FER: variants seen among roughly 807,000 people sequenced by gnomAD.
FER encodes tyrosine-protein kinase Fer.
FER carries 63 observed loss-of-function variants against 111.0 expected under a neutral mutation model. The observed-to-expected ratio is 0.57, with a 90% confidence interval of 0.46 to 0.70. The LOEUF (loss-of-function observed/expected upper bound fraction) is 0.70. Among genes scored for constraint, FER ranks in the 30% least tolerant of loss-of-function variants. The pLI is 0.00. For synonymous variants in FER, 327 were observed against 313.9 expected, an observed-to-expected ratio of 1.04 and a Z score of -0.44; for missense variants, 914 against 954.0, an observed-to-expected ratio of 0.96 and a Z score of 0.55.
intron 16 of FER, among the ~76,000 whole-genome samples, chr5:109,094,419 C>T (rs953755854): frequency 3.9e-5 from 6 of 152,064 alleles, no homozygotes; most frequent in African/African-American, 1.2e-4. Context: ...AGGAAATGCC[C>T]ACTGGAACAT....
chr5:109,018,110 T>C (rs149578210), intron 13 of FER, among the ~76,000 whole-genome samples: 324 of 151,944 alleles, frequency 2.1e-3, no homozygotes, highest in Middle Eastern at 0.014. Context: ...ATACTTTGGA[T>C]TTTTTACTTC....
intron 13 of FER, among the ~76,000 whole-genome samples, chr5:109,007,270 C>T (rs1002170293): frequency 6.6e-6 from 1 of 152,086 alleles, no homozygotes; most frequent in Non-Finnish European, 1.5e-5. Context: ...TTACAGTGTC[C>T]TTTCATTTTG....
intron 16 of FER, among the ~76,000 whole-genome samples, chr5:109,056,590 G>C (rs1291065327): frequency 6.6e-6 from 1 of 152,124 alleles, no homozygotes; most frequent in East Asian, 1.9e-4. Flanking sequence ...GGAAGATGTA[G>C]GTCAGAGGAT....
chr5:109,110,907 G>GCTA (rs1301674428), intron 17 of FER, among the ~76,000 whole-genome samples: 3 of 152,104 alleles, frequency 2.0e-5, no homozygotes, highest in African/African-American at 7.2e-5. Flanking sequence ...TGACTGCTGT[G>GCTA]CTACTGGTGA....
chr5:109,052,527 T>G, intron 16 of FER: 1 of 726,760 alleles, frequency 1.4e-6, no homozygotes, highest in Non-Finnish European at 2.4e-6. Context: ...CCTTGGAGGA[T>G]GAAGTAAAAT....
intron 13 of FER, among the ~76,000 whole-genome samples, chr5:109,035,813 C>T (rs1400046908): frequency 6.6e-6 from 1 of 152,214 alleles, no homozygotes; most frequent in African/African-American, 2.4e-5. Context: ...CCCTCACAAT[C>T]TCTTGATTTG....
chr5:109,036,113 T>A (rs1425303501), intron 13 of FER, among the ~76,000 whole-genome samples: 1 of 152,170 alleles, frequency 6.6e-6, no homozygotes, highest in African/African-American at 2.4e-5. Flanking sequence ...TGTCTTTTCA[T>A]TTTTTAAGTG....
At chr5:109,118,600 T>C (rs1317835446) in intron 17 of FER, among the ~76,000 whole-genome samples, 4 of 152,264 alleles carry the variant, frequency 2.6e-5, no homozygotes, top group East Asian at 1.9e-4. Flanking sequence ...CCTCCTTGTA[T>C]CTCTGGTAGA....
intron 2 of FER, among the ~76,000 whole-genome samples, chr5:108,796,652 C>A (rs962199132): frequency 1.3e-5 from 2 of 152,250 alleles, no homozygotes; most frequent in Middle Eastern, 3.4e-3. Flanking sequence ...CTGGCCACCA[C>A]CACCGTAGGC....
At chr5:109,058,285 C>A (rs1773898810) in intron 16 of FER, among the ~76,000 whole-genome samples, 1 of 152,006 alleles carries the variant, frequency 6.6e-6, no homozygotes, top group African/African-American at 2.4e-5. Context: ...AATGTTTTCC[C>A]CCTTTATATC....
At chr5:109,106,040 T>A (rs1368100611) in intron 17 of FER, among the ~76,000 whole-genome samples, 1 of 152,216 alleles carries the variant, frequency 6.6e-6, no homozygotes, top group African/African-American at 2.4e-5. Context: ...AGTGGTAGTT[T>A]CAGGATGTGA....
At chr5:108,957,481 G>A (rs986486511) in intron 12 of FER, among the ~76,000 whole-genome samples, 3 of 151,486 alleles carry the variant, frequency 2.0e-5, no homozygotes, top group Non-Finnish European at 4.4e-5. Context: ...TGGAGAAAAG[G>A]GAACTCTTAC....
chr5:109,029,972 T>C (rs925851927), intron 13 of FER, among the ~76,000 whole-genome samples: 1 of 152,194 alleles, frequency 6.6e-6, no homozygotes, highest in Non-Finnish European at 1.5e-5. Flanking sequence ...ATTGCTTGCC[T>C]TACAGGTTCC....
At position 109,040,105 on chromosome 5, in the gene FER, C is replaced by G. The variant is rs373595332; in HGVS notation, c.1713+2627C>G. 2.0e-5 allele frequency among the ~76,000 whole-genome samples: 3 copies of G among 151,994 alleles called. No homozygotes were observed. The South Asian group carries it at 6.2e-4, about 32-fold the overall frequency. ...CCTAAGTGTAAAAGATTTCAGGGAA[C>G]GAGAAGAGGTGTTCAGTTTTGGATG... On this transcript the variant is annotated intron_variant, in intron 14 of 19. Transcript: ENST00000281092.
chr5:109,021,737 C>CA (rs1232117906), intron 13 of FER, among the ~76,000 whole-genome samples: 1 of 151,826 alleles, frequency 6.6e-6, no homozygotes, highest in Middle Eastern at 3.4e-3. Context: ...AATTGAAAAG[C>CA]AAAAAAACAA....
At chr5:108,978,095 C>T (rs576070027) in intron 13 of FER, among the ~76,000 whole-genome samples, 7 of 152,192 alleles carry the variant, frequency 4.6e-5, no homozygotes, top group Non-Finnish European at 1.0e-4. Flanking sequence ...GTCTGCCCGC[C>T]TTGGTCTCCT....
chr5:109,006,799 A>G (rs546717560), intron 13 of FER, among the ~76,000 whole-genome samples: 4 of 152,214 alleles, frequency 2.6e-5, no homozygotes, highest in South Asian at 2.1e-4. Flanking sequence ...AAATTAGCCT[A>G]AAGTGAATGT....
intron 3 of FER, among the ~76,000 whole-genome samples, chr5:108,827,941 A>C (rs899267049): frequency 6.6e-6 from 1 of 150,790 alleles, no homozygotes; most frequent in Non-Finnish European, 1.5e-5. Context: ...GGAATCTTCC[A>C]ACCTCAGCCT....
intron 17 of FER, among the ~76,000 whole-genome samples, chr5:109,133,436 G>T (rs948220161): frequency 1.3e-5 from 2 of 152,086 alleles, no homozygotes. Flanking sequence ...ATTTATAAAT[G>T]ATAATAGTAT....
Sources: allele counts gnomAD v4.1 joint callset (sites outside exome capture counted in the v4.1 genomes callset), GRCh38; gene constraint gnomAD v4.1.1; transcripts MANE v1.5; gene names NCBI Gene and HGNC (gene_info 2026-07-23, HGNC 2026-07-21).